Variants in TAB2 observed in about 807,000 individuals in gnomAD.
TAB2 encodes TGF-beta-activated kinase 1 and MAP3K7-binding protein 2.
In TAB2, 3 loss-of-function variants were observed where a neutral mutation model predicts 65.0. The ratio of observed to expected loss-of-function variants is 0.05; its 90% CI spans 0.02 to 0.12. TAB2 has a LOEUF of 0.12. Ranked by LOEUF, TAB2 falls within the 10% of genes least tolerant of loss-of-function variation. TAB2 has a pLI of 1.00. For missense variants in TAB2, 623 were observed against 840.3 expected (o/e 0.74, Z 3.20); for synonymous variants, 298 against 285.1 (o/e 1.05, Z -0.46).
chr6:149,373,465 C>T (rs1419340265), intron 2 of TAB2, among the ~76,000 whole-genome samples: 1 of 152,168 alleles, frequency 6.6e-6, no homozygotes, highest in Non-Finnish European at 1.5e-5. Flanking sequence ...TACCATACTG[C>T]ATTTCATTTG....
At chr6:149,275,295 A>AGAAC (rs1778448399) in intron 1 of TAB2, among the ~76,000 whole-genome samples, 1 of 141,988 alleles carries the variant, frequency 7.0e-6, no homozygotes, top group East Asian at 2.0e-4. Flanking sequence ...AAAGAAAGAA[A>AGAAC]GAAAGAGAAA....
At chr6:149,406,556 C>A (rs1340710019) in intron 6 of TAB2, among the ~76,000 whole-genome samples, 1 of 152,078 alleles carries the variant, frequency 6.6e-6, no homozygotes, top group Non-Finnish European at 1.5e-5. Context: ...AGCCTGCCGT[C>A]TGTTTTTGTC....
intron 1 of TAB2, among the ~76,000 whole-genome samples, chr6:149,255,940 A>G (rs1016126397): frequency 1.3e-5 from 2 of 152,218 alleles, no homozygotes; most frequent in African/African-American, 4.8e-5. Flanking sequence ...GAGGGCAGGA[A>G]AAAGGAGAAA....
At chr6:149,274,638 G>A (rs528544518) in intron 1 of TAB2, among the ~76,000 whole-genome samples, 3 of 152,166 alleles carry the variant, frequency 2.0e-5, no homozygotes, top group East Asian at 1.9e-4. Context: ...GGAGGAAAAG[G>A]TCCTTTGAGA....
In TAB2 at chr6:149,271,605, C is replaced by T. The variant is rs115281108; in HGVS notation, c.-121+52829C>T. Reference sequence around the variant, plus strand: ...CAGAAGTTACTAACATCCTTTTGGCCACATATTAGTTACCTATCTACAGCT... The same window carrying T: ...CAGAAGTTACTAACATCCTTTTGGCTACATATTAGTTACCTATCTACAGCT... On this transcript the variant is annotated intron_variant, in intron 1 of 1. Coordinates refer to the TAB2 transcript ENST00000606202. Among the ~76,000 whole-genome samples the T allele has an allele frequency of 2.4e-3, 360 of 152,244 alleles. 1 individual carries two copies. The highest frequency in any genetic ancestry group is 8.3e-3 in the African/African-American group (344 of 41,542).
chr6:149,363,736 C>T (rs1177231622), intron 1 of TAB2, among the ~76,000 whole-genome samples: 3 of 152,070 alleles, frequency 2.0e-5, no homozygotes, highest in African/African-American at 7.2e-5. Flanking sequence ...TAATTAACGC[C>T]AGTACCACAG....
chr6:149,317,096 C>G (rs1358418521), upstream of TAB2, among the ~76,000 whole-genome samples: 1 of 151,180 alleles, frequency 6.6e-6, no homozygotes, highest in African/African-American at 2.4e-5. The surrounding 1 kb of genome is among the most constrained non-coding windows in gnomAD (Gnocchi z 4.7). Context: ...CCGGCAAGTC[C>G]CGCCACCCAC....
chr6:149,262,690 C>T (rs539463734), intron 1 of TAB2, among the ~76,000 whole-genome samples: 298 of 152,360 alleles, frequency 2.0e-3, no homozygotes, highest in Non-Finnish European at 3.4e-3. Context: ...AAATCCACAT[C>T]ACATCCATCA....
chr6:149,403,109 C>T (rs1463037965), intron 6 of TAB2, among the ~76,000 whole-genome samples: 1 of 151,262 alleles, frequency 6.6e-6, no homozygotes, highest in Non-Finnish European at 1.5e-5. Flanking sequence ...CGGCCCATGC[C>T]TGTAATCCCA....
At chr6:149,316,041 T>C (rs1169465685), upstream of TAB2, among the ~76,000 whole-genome samples, 1 of 152,242 alleles carries the variant, frequency 6.6e-6, no homozygotes, top group Admixed American at 6.5e-5. Flanking sequence ...ACTTAATGGA[T>C]TCAGTTTATC....
At chr6:149,335,643 C>T (rs372377419) in intron 1 of TAB2, among the ~76,000 whole-genome samples, 2 of 151,938 alleles carry the variant, frequency 1.3e-5, no homozygotes, top group African/African-American at 4.8e-5. Context: ...CAAAGTGCTG[C>T]GATTACAGGT....
chr6:149,227,898 A>T (rs937317308), intron 1 of TAB2, among the ~76,000 whole-genome samples: 5 of 152,218 alleles, frequency 3.3e-5, no homozygotes, highest in Non-Finnish European at 5.9e-5. Flanking sequence ...AACTCTTCAT[A>T]ATAAAATGTT....
chr6:149,233,849 G>A (rs568266910), intron 1 of TAB2, among the ~76,000 whole-genome samples: 9 of 152,086 alleles, frequency 5.9e-5, no homozygotes, highest in Admixed American at 1.3e-4. Context: ...GATCCATAAC[G>A]GGCTCTCCAT....
chr6:149,302,359 T>C (rs1778985570), intron 1 of TAB2, among the ~76,000 whole-genome samples: 2 of 152,348 alleles, frequency 1.3e-5, no homozygotes, highest in African/African-American at 2.4e-5. Flanking sequence ...AAAATATCTA[T>C]GTATATTTTT....
intron 1 of TAB2, among the ~76,000 whole-genome samples, chr6:149,238,848 C>G (rs753735328): frequency 3.0e-4 from 46 of 152,344 alleles, no homozygotes; most frequent in Non-Finnish European, 6.0e-4. Context: ...AGCTTCTTGA[C>G]TTACTCATGG....
intron 1 of TAB2, among the ~76,000 whole-genome samples, chr6:149,342,058 A>T (rs1780148230): frequency 6.6e-6 from 1 of 152,068 alleles, no homozygotes; most frequent in African/African-American, 2.4e-5. Context: ...AAAAAAAAAA[A>T]ATCATTGAAT....
At chr6:149,403,235 A>T (rs1215311443) in intron 6 of TAB2, among the ~76,000 whole-genome samples, 6 of 46,336 alleles carry the variant, frequency 1.3e-4, no homozygotes, top group Admixed American at 2.9e-4. Context: ...ACTCTTGTCT[A>T]AAAAAAAAAA....
At chr6:149,339,963 C>T (rs1020040155) in intron 1 of TAB2, among the ~76,000 whole-genome samples, 5 of 151,886 alleles carry the variant, frequency 3.3e-5, no homozygotes, top group Admixed American at 6.6e-5. Flanking sequence ...ATTTACTTTA[C>T]GATTCATAAG....
chr6:149,290,326 G>A (rs575484895), intron 1 of TAB2, among the ~76,000 whole-genome samples: 1 of 152,148 alleles, frequency 6.6e-6, no homozygotes, highest in Admixed American at 6.5e-5. Context: ...TTGCTCAAAT[G>A]TCATCTTTTC....
Sources: allele counts gnomAD v4.1 joint callset (sites outside exome capture counted in the v4.1 genomes callset), GRCh38; gene constraint gnomAD v4.1.1; non-coding constraint Gnocchi (gnomAD v3.1); transcripts MANE v1.5; gene names NCBI Gene and HGNC (gene_info 2026-07-23, HGNC 2026-07-21).